ATP8B4: variants seen among roughly 807,000 people sequenced by gnomAD.
ATP8B4 encodes probable phospholipid-transporting ATPase IM.
In ATP8B4, 133 loss-of-function variants were observed where a neutral mutation model predicts 145.6. That is an observed-to-expected ratio of 0.91 (90% CI 0.79 to 1.05). The LOEUF is 1.05. Among genes scored for constraint, ATP8B4 ranks in the 50% least tolerant of loss-of-function variants. The pLI, the probability that ATP8B4 is intolerant of heterozygous loss-of-function variation, is 0.00. For synonymous variants in ATP8B4, 507 were observed against 492.9 expected, an observed-to-expected ratio of 1.03 and a Z score of -0.38; for missense variants, 1,458 against 1,425.2, an observed-to-expected ratio of 1.02 and a Z score of -0.37.
chr15:50,070,767 G>A (rs565392411), intron 3 of ATP8B4, among the ~76,000 whole-genome samples: 1 of 152,114 alleles, frequency 6.6e-6, no homozygotes, highest in East Asian at 1.9e-4. Flanking sequence ...TTGACATGGA[G>A]TCTCACTCTG....
intron 19 of ATP8B4, 154 bp from the exon 20 acceptor site, chr15:49,917,193 C>G (rs2039828416): frequency 3.3e-6 from 2 of 615,330 alleles, no homozygotes; most frequent in African/African-American, 3.7e-5. Flanking sequence ...ACAAGCAGTG[C>G]AGAGGGAAAT....
At chr15:50,139,059 A>C (rs12593175) in intron 1 of ATP8B4, among the ~76,000 whole-genome samples, 150,483 of 152,316 alleles carry the variant, frequency 0.99, 74,358 homozygotes, top group East Asian at 1. Flanking sequence ...ACCAGAAATA[A>C]CATTTGACCC....
intron 1 of ATP8B4, among the ~76,000 whole-genome samples, chr15:50,167,622 T>G (rs74012182): frequency 0.097 from 14,709 of 152,204 alleles, 981 homozygotes; most frequent in African/African-American, 0.18. Context: ...ACACATCTTT[T>G]TTTGGAGGGC....
chr15:49,923,048 C>G (rs1390128432), intron 17 of ATP8B4, among the ~76,000 whole-genome samples: 1 of 152,214 alleles, frequency 6.6e-6, no homozygotes, highest in Non-Finnish European at 1.5e-5. Flanking sequence ...TCTCCTCTTT[C>G]CAAAACTAGT....
At chr15:49,909,790 C>T (rs2039043491) in intron 20 of ATP8B4, among the ~76,000 whole-genome samples, 1 of 149,996 alleles carries the variant, frequency 6.7e-6, no homozygotes, top group Admixed American at 6.6e-5. Flanking sequence ...CTGCACACAT[C>T]CAGAATCAAA....
At chr15:49,963,378 G>A (rs186679944) in intron 13 of ATP8B4, among the ~76,000 whole-genome samples, 41 of 152,226 alleles carry the variant, frequency 2.7e-4, no homozygotes, top group African/African-American at 8.7e-4. Context: ...CCTAAAGGCA[G>A]AAATAACATT....
intron 6 of ATP8B4, among the ~76,000 whole-genome samples, chr15:50,035,823 T>C (rs548061956): frequency 6.6e-6 from 1 of 152,304 alleles, no homozygotes; most frequent in Admixed American, 6.5e-5. Flanking sequence ...AAGCTGACTA[T>C]ACCCTGCCTC....
At chr15:50,089,837 T>C (rs2055482214) in intron 2 of ATP8B4, among the ~76,000 whole-genome samples, 1 of 151,970 alleles carries the variant, frequency 6.6e-6, no homozygotes, top group African/African-American at 2.4e-5. Flanking sequence ...AGAAATACCA[T>C]TTGCCCCAGC....
intron 6 of ATP8B4, among the ~76,000 whole-genome samples, chr15:50,037,956 A>G (rs1035197773): frequency 2.6e-5 from 4 of 152,194 alleles, no homozygotes; most frequent in African/African-American, 9.7e-5. Context: ...ATTTTCCCTC[A>G]CATATGGCTA....
chr15:49,860,720 G>C (rs2031531778), intron 27 of ATP8B4, among the ~76,000 whole-genome samples: 1 of 152,074 alleles, frequency 6.6e-6, no homozygotes, highest in African/African-American at 2.4e-5. Flanking sequence ...TTTCATTATT[G>C]TCTCTCATGT....
intron 9 of ATP8B4, among the ~76,000 whole-genome samples, chr15:49,990,403 A>G (rs2046960453): frequency 1.3e-5 from 2 of 151,724 alleles, no homozygotes; most frequent in Non-Finnish European, 1.5e-5. Context: ...TTAATGGGCA[A>G]TAATAAAGCT....
chr15:50,168,287 G>A (rs1268167548), intron 1 of ATP8B4, among the ~76,000 whole-genome samples: 3 of 152,100 alleles, frequency 2.0e-5, no homozygotes, highest in Admixed American at 6.6e-5. Flanking sequence ...AATCCCAAGA[G>A]GACCCACAGA....
intron 6 of ATP8B4, among the ~76,000 whole-genome samples, chr15:50,020,329 GCA>G (rs2049448849): frequency 1.3e-5 from 2 of 150,674 alleles, no homozygotes; most frequent in Non-Finnish European, 3.0e-5. Context: ...GAGTGCAATG[GCA>G]CAGTCTCGGC....
rs2050115271 is a variant in ATP8B4 at position 50,027,672 on chromosome 15, G to A, written c.362+11096C>T. Among the ~76,000 whole-genome samples, 5 of 152,066 alleles carry A rather than the reference G, an allele frequency of 3.3e-5. No individual in the cohort carries two copies. In the South Asian group the frequency reaches 1.0e-3, roughly 31 times the overall value. Reference sequence around the variant, plus strand: ...ACTCCATCATACTGGACTGAACACTGGACATTAAGCAAATTTAAAATCCAG... The same window carrying A: ...ACTCCATCATACTGGACTGAACACTAGACATTAAGCAAATTTAAAATCCAG... On this transcript the variant is annotated intron_variant, in intron 6 of 27. Coordinates refer to ENST00000284509, the MANE Select transcript of ATP8B4 (RefSeq NM_024837.4).
At chr15:50,066,554 G>A (rs1306145557) in intron 3 of ATP8B4, among the ~76,000 whole-genome samples, 1 of 152,114 alleles carries the variant, frequency 6.6e-6, no homozygotes, top group East Asian at 1.9e-4. Context: ...CCATCAGTCC[G>A]GGGATGTGTT....
At chr15:50,162,289 C>T (rs1185533703) in intron 1 of ATP8B4, among the ~76,000 whole-genome samples, 7 of 151,124 alleles carry the variant, frequency 4.6e-5, no homozygotes, top group African/African-American at 1.7e-4. Flanking sequence ...GTTCTATAAC[C>T]TTCTTATACT....
chr15:49,945,000 A>G (rs2042447829), intron 14 of ATP8B4, among the ~76,000 whole-genome samples: 1 of 152,182 alleles, frequency 6.6e-6, no homozygotes, highest in Admixed American at 6.5e-5. Context: ...TTTCAAGACA[A>G]ATGAAAGTGA....
intron 4 of ATP8B4, among the ~76,000 whole-genome samples, chr15:50,045,344 T>C (rs2051632636): frequency 6.6e-6 from 1 of 152,120 alleles, no homozygotes; most frequent in Non-Finnish European, 1.5e-5. Flanking sequence ...TCACATACTG[T>C]TAAAATTTGA....
intron 3 of ATP8B4, among the ~76,000 whole-genome samples, chr15:50,057,008 G>A (rs1439060910): frequency 5.3e-5 from 8 of 152,156 alleles, no homozygotes; most frequent in South Asian, 2.1e-4. Flanking sequence ...TTACAGGTAT[G>A]AGCCACCACA....
Sources: gnomAD v4.1 joint callset for allele counts (sites outside exome capture counted in the v4.1 genomes callset) on GRCh38, gnomAD v4.1.1 for gene constraint, MANE v1.5 for transcripts, NCBI Gene and HGNC (gene_info 2026-07-23, HGNC 2026-07-21) for gene names.